Variants in ADARB2 observed in about 807,000 individuals in gnomAD.
The protein encoded by ADARB2 is adenosine deaminase RNA specific B2 (inactive), also known as inactive double-stranded RNA-specific editase B2.
ADARB2 carries 25 observed loss-of-function variants against 62.2 expected under a neutral mutation model. The observed-to-expected ratio is 0.40, with a 90% CI of 0.29 to 0.56. The LOEUF is 0.56. Ranked by LOEUF, ADARB2 falls within the 20% of genes least tolerant of loss-of-function variation. The pLI is 0.43. For synonymous variants in ADARB2, 572 were observed against 500.8 expected (o/e 1.14, Z -1.90); for missense variants, 1,071 against 1,077.4 (o/e 0.99, Z 0.08).
chr10:1,302,113 G>T (rs1219264137), intron 3 of ADARB2, among the ~76,000 whole-genome samples: 1 of 152,234 alleles, frequency 6.6e-6, no homozygotes, highest in Non-Finnish European at 1.5e-5. Flanking sequence ...TCCATCTGAG[G>T]TACCAGGTTC....
At chr10:1,202,984 T>G (rs1280185636) in intron 7 of ADARB2, among the ~76,000 whole-genome samples, 1 of 152,094 alleles carries the variant, frequency 6.6e-6, no homozygotes, top group Non-Finnish European at 1.5e-5. Flanking sequence ...AAATCAACCT[T>G]CTCTTTGCCT....
chr10:1,211,577 A>G (rs1837152456), intron 7 of ADARB2, among the ~76,000 whole-genome samples: 1 of 152,210 alleles, frequency 6.6e-6, no homozygotes, highest in Non-Finnish European at 1.5e-5. Flanking sequence ...AGCAGCCTCA[A>G]ATATGTTATT....
intron 1 of ADARB2, among the ~76,000 whole-genome samples, chr10:1,522,555 C>T (rs1310933994): frequency 6.6e-6 from 1 of 152,170 alleles, no homozygotes; most frequent in Non-Finnish European, 1.5e-5. Context: ...AGGACGAGGA[C>T]AACGTCTCCA....
chr10:1,368,436 C>T (rs1245586111), intron 2 of ADARB2, among the ~76,000 whole-genome samples: 1 of 152,064 alleles, frequency 6.6e-6, no homozygotes, highest in Non-Finnish European at 1.5e-5. Flanking sequence ...CTGTCCGGGC[C>T]CTACTTCTCT....
At chr10:1,528,062 ACTCCC>A (rs1832171621) in intron 1 of ADARB2, among the ~76,000 whole-genome samples, 1 of 151,960 alleles carries the variant, frequency 6.6e-6, no homozygotes, top group South Asian at 2.1e-4. Context: ...CACTTTATGG[ACTCCC>A]CTCTTGGAGG....
At chr10:1,708,168 C>T (rs1834913168) in intron 1 of ADARB2, among the ~76,000 whole-genome samples, 1 of 152,156 alleles carries the variant, frequency 6.6e-6, no homozygotes, top group Non-Finnish European at 1.5e-5. Flanking sequence ...TTCTCCATAG[C>T]AGAGATTCTA....
intron 1 of ADARB2, among the ~76,000 whole-genome samples, chr10:1,484,535 G>A (rs1029679541): frequency 3.9e-5 from 6 of 152,216 alleles, no homozygotes; most frequent in African/African-American, 1.4e-4. Flanking sequence ...GTAAGGAATG[G>A]GAAGAAGCTT....
intron 7 of ADARB2, among the ~76,000 whole-genome samples, chr10:1,214,130 T>G (rs1052123110): frequency 6.3e-5 from 7 of 110,508 alleles, no homozygotes; most frequent in Non-Finnish European, 1.2e-4. Flanking sequence ...CAGCGTCATG[T>G]AGGTTTGCAC....
chr10:1,247,576 C>G (rs1056126000), intron 4 of ADARB2, among the ~76,000 whole-genome samples: 1 of 152,162 alleles, frequency 6.6e-6, no homozygotes. Context: ...GCGTCATCAT[C>G]TCTCCCCTCG....
In ADARB2 at chr10:1,363,112, G is replaced by A. The variant is rs750869535; in HGVS notation, c.993C>T (p.Ala331=). The change falls in exon 3 of 10, where the codon GCC becomes GCT. Residue 331 remains alanine, a synonymous_variant. Transcript: ENST00000381312. ...ACAGCTCCTGCAGTGCGGCCTGCGC[G>A]GCCTGACCCCGGGCCAGCTTCTTGC... ...GRSKKLARGQ[A]AQAALQELFD... 3 of 1,536,528 alleles carry A rather than the reference G, an allele frequency of 2.0e-6. No homozygotes were observed. The highest frequency in any genetic ancestry group is 1.2e-5 in the South Asian group (1 of 84,184).
chr10:1,663,439 C>T (rs1489809564), intron 1 of ADARB2, among the ~76,000 whole-genome samples: 1 of 152,190 alleles, frequency 6.6e-6, no homozygotes, highest in African/African-American at 2.4e-5. Flanking sequence ...TCCGCCTGCT[C>T]ATCCCTCCCT....
intron 3 of ADARB2, among the ~76,000 whole-genome samples, chr10:1,354,289 C>T (rs12357307): frequency 0.4 from 60,715 of 151,850 alleles, 13,341 homozygotes; most frequent in Middle Eastern, 0.51. Flanking sequence ...TCCATCTGGC[C>T]GGTTTCTGCC....
intron 1 of ADARB2, among the ~76,000 whole-genome samples, chr10:1,623,621 G>A (rs902895220): frequency 7.9e-5 from 12 of 152,182 alleles, no homozygotes; most frequent in African/African-American, 2.9e-4. Flanking sequence ...CTCCTTGTCT[G>A]TCCCGTTGTA....
rs968834052 is a variant in ADARB2 at position 1,178,586 on chromosome 10, C to T, written c.*4607G>A. 12 of 152,300 alleles carry T rather than the reference C, an allele frequency of 7.9e-5. No individual in the cohort carries two copies. Among genetic ancestry groups the T allele is most frequent in the African/African-American group, 2.9e-4 (12 of 41,448 alleles). 9.4% of individuals were successfully genotyped at this position (152,300 alleles called of 1,614,324 possible). A position where few individuals can be genotyped will look rare whatever the true frequency, so the allele number is the denominator to read the frequency against. On this transcript the variant is annotated 3_prime_UTR_variant, in exon 10 of 10. Transcript: ENST00000381312. Reference sequence around the variant, plus strand: ...CTACACCGTGTCCTCCAGCCACCCGCCTAGCCCCACACAGTGGCAAAATAC... The same window carrying T: ...CTACACCGTGTCCTCCAGCCACCCGTCTAGCCCCACACAGTGGCAAAATAC...
At chr10:1,482,254 G>C (rs1236185428) in intron 1 of ADARB2, among the ~76,000 whole-genome samples, 1 of 152,210 alleles carries the variant, frequency 6.6e-6, no homozygotes, top group Admixed American at 6.5e-5. Context: ...ATAATTGAAA[G>C]TGGGGCTAGA....
At chr10:1,359,390 G>A (rs1485839797) in intron 3 of ADARB2, among the ~76,000 whole-genome samples, 3 of 152,200 alleles carry the variant, frequency 2.0e-5, no homozygotes, top group Non-Finnish European at 4.4e-5. Flanking sequence ...TGAAGCTGAT[G>A]GGTTAGATGA....
At chr10:1,352,200 CCAAT>C in intron 3 of ADARB2, among the ~76,000 whole-genome samples, 1 of 151,944 alleles carries the variant, frequency 6.6e-6, no homozygotes, top group African/African-American at 2.4e-5. Flanking sequence ...GCTCTCCCTG[CCAAT>C]TGTGTCCAAC....
At chr10:1,716,180 T>A (rs1329007799) in intron 1 of ADARB2, among the ~76,000 whole-genome samples, 1 of 152,056 alleles carries the variant, frequency 6.6e-6, no homozygotes, top group East Asian at 1.9e-4. Flanking sequence ...GTTCTCCCTG[T>A]ACATTCCATC....
chr10:1,355,617 C>T (rs1000502678), intron 3 of ADARB2, among the ~76,000 whole-genome samples: 9 of 152,202 alleles, frequency 5.9e-5, no homozygotes, highest in African/African-American at 2.2e-4. Context: ...GCTTGGCTCA[C>T]AGGCCCTGCT....
Sources: allele counts gnomAD v4.1 joint callset (sites outside exome capture counted in the v4.1 genomes callset), GRCh38; gene constraint gnomAD v4.1.1; transcripts MANE v1.5; gene names NCBI Gene and HGNC (gene_info 2026-07-23, HGNC 2026-07-21).